Variants in SLX4IP observed in about 807,000 individuals in gnomAD.
SLX4IP encodes SLX4 interacting protein.
Under a neutral mutation model 32.9 loss-of-function variants are expected in SLX4IP, and 34 were observed. The ratio of observed to expected loss-of-function variants is 1.03; its 90% confidence interval spans 0.79 to 1.38. The LOEUF is 1.38. Among genes scored for constraint, SLX4IP ranks in the 40% most tolerant of loss-of-function variants. The probability of loss-of-function intolerance (pLI) is 0.00; values close to 1 mark genes in which losing one functional copy is unlikely to be tolerated. For synonymous variants in SLX4IP, 172 were observed against 171.7 expected (o/e 1.00, Z -0.01); for missense variants, 444 against 479.0 (o/e 0.93, Z 0.68).
At chr20:10,438,180 G>A (rs898344752) in intron 1 of SLX4IP, among the ~76,000 whole-genome samples, 2 of 151,692 alleles carry the variant, frequency 1.3e-5, no homozygotes, top group Non-Finnish European at 2.9e-5. Flanking sequence ...AGAAAAGAGG[G>A]TGATATAAAC....
intron 2 of SLX4IP, among the ~76,000 whole-genome samples, chr20:10,509,762 T>C (rs1459906939): frequency 3.3e-5 from 5 of 151,998 alleles, no homozygotes; most frequent in African/African-American, 1.2e-4. Flanking sequence ...AGTGGTGCGA[T>C]CATAGCTCAC....
intron 4 of SLX4IP, among the ~76,000 whole-genome samples, chr20:10,570,425 G>T (rs747518821): frequency 6.6e-6 from 1 of 152,156 alleles, no homozygotes; most frequent in Non-Finnish European, 1.5e-5. Context: ...GGGATCACCG[G>T]GCACAGGCTG....
At chr20:10,542,736 G>A (rs770798581) in intron 2 of SLX4IP, among the ~76,000 whole-genome samples, 5 of 152,148 alleles carry the variant, frequency 3.3e-5, no homozygotes, top group Non-Finnish European at 4.4e-5. Context: ...GTTTTTTGGA[G>A]CCAAATGTTA....
intron 5 of SLX4IP, among the ~76,000 whole-genome samples, chr20:10,601,009 G>T (rs2066835060): frequency 6.6e-6 from 1 of 152,168 alleles, no homozygotes; most frequent in Non-Finnish European, 1.5e-5. Context: ...GAAAGATCCA[G>T]ATGTCATTAC....
chr20:10,501,790 T>C (rs768185713), intron 2 of SLX4IP, among the ~76,000 whole-genome samples: 2 of 152,266 alleles, frequency 1.3e-5, no homozygotes, highest in East Asian at 3.8e-4. Context: ...CGTGTCAAAA[T>C]GTATTCATTT....
At chr20:10,616,725 C>T (rs969876385) in intron 6 of SLX4IP, among the ~76,000 whole-genome samples, 3 of 152,166 alleles carry the variant, frequency 2.0e-5, no homozygotes, top group African/African-American at 4.8e-5. Flanking sequence ...GTGTAAAGCC[C>T]ACCTTGTTAC....
chr20:10,455,400 A>G (rs2065276433), intron 1 of SLX4IP, among the ~76,000 whole-genome samples: 1 of 152,014 alleles, frequency 6.6e-6, no homozygotes, highest in Admixed American at 6.6e-5. Context: ...CTTTTTGTAT[A>G]TAGTGTGATG....
At chr20:10,569,175 A>ATTTTTTT (rs555310488) in intron 4 of SLX4IP, among the ~76,000 whole-genome samples, 3 of 129,950 alleles carry the variant, frequency 2.3e-5, no homozygotes, top group Admixed American at 7.8e-5. Flanking sequence ...CCAGATCTAG[A>ATTTTTTT]TTTTTTTTTT....
chr20:10,459,165 A>C (rs972329485), intron 2 of SLX4IP, among the ~76,000 whole-genome samples: 1 of 152,170 alleles, frequency 6.6e-6, no homozygotes, highest in Non-Finnish European at 1.5e-5. Flanking sequence ...TCCTTTTTTC[A>C]GAAGAGTCTA....
intron 2 of SLX4IP, among the ~76,000 whole-genome samples, chr20:10,503,712 G>T (rs368895255): frequency 6.6e-6 from 1 of 152,290 alleles, no homozygotes; most frequent in East Asian, 1.9e-4. Context: ...TGATATCAAG[G>T]TGTTGGCAGG....
intron 2 of SLX4IP, among the ~76,000 whole-genome samples, chr20:10,506,086 T>C (rs1292224266): frequency 3.3e-5 from 5 of 152,242 alleles, no homozygotes; most frequent in Non-Finnish European, 7.3e-5. Flanking sequence ...ATCAGCATGT[T>C]GAAACTTGGT....
At chr20:10,620,654 C>T (rs147735866) in intron 6 of SLX4IP, among the ~76,000 whole-genome samples, 3,587 of 152,108 alleles carry the variant, frequency 0.024, 104 homozygotes, top group African/African-American at 0.069. Context: ...CCCGGGTTCA[C>T]GCCATTCTCC....
intron 1 of SLX4IP, among the ~76,000 whole-genome samples, chr20:10,447,852 T>G (rs1489085479): frequency 6.8e-6 from 1 of 147,828 alleles, no homozygotes; most frequent in Admixed American, 6.9e-5. Flanking sequence ...AGGTGGGGGC[T>G]CCACACCTGG....
intron 2 of SLX4IP, among the ~76,000 whole-genome samples, chr20:10,522,130 C>A (rs2065905218): frequency 6.6e-6 from 1 of 152,172 alleles, no homozygotes; most frequent in African/African-American, 2.4e-5. Context: ...TTGTGACATG[C>A]AAGCATTAGA....
At chr20:10,492,912 T>C (rs955240078) in intron 2 of SLX4IP, among the ~76,000 whole-genome samples, 3 of 152,182 alleles carry the variant, frequency 2.0e-5, no homozygotes, top group Non-Finnish European at 4.4e-5. Flanking sequence ...TATGTACACA[T>C]TATCATTTGT....
intron 2 of SLX4IP, among the ~76,000 whole-genome samples, chr20:10,483,063 A>G (rs1358728980): frequency 1.3e-5 from 2 of 152,194 alleles, no homozygotes; most frequent in South Asian, 2.1e-4. Context: ...TACGTTATCT[A>G]TGTATTATCT....
At chr20:10,536,094 G>A (rs936648923) in intron 2 of SLX4IP, among the ~76,000 whole-genome samples, 1 of 152,088 alleles carries the variant, frequency 6.6e-6, no homozygotes, top group South Asian at 2.1e-4. Flanking sequence ...TGGCTCTTAC[G>A]GTATCTATAA....
intron 1 of SLX4IP, among the ~76,000 whole-genome samples, chr20:10,457,573 G>A (rs546997515): frequency 1.3e-5 from 2 of 151,850 alleles, no homozygotes; most frequent in African/African-American, 4.8e-5. Context: ...TGATCGTGGT[G>A]TATAATCTTT....
chr20:10,512,315 A>T (rs2065814025), intron 2 of SLX4IP, among the ~76,000 whole-genome samples: 1 of 152,204 alleles, frequency 6.6e-6, no homozygotes, highest in African/African-American at 2.4e-5. Context: ...GGAGAATCCT[A>T]GATGTTTTGT....
Sources: gnomAD v4.1 joint callset for allele counts (sites outside exome capture counted in the v4.1 genomes callset) on GRCh38, gnomAD v4.1.1 for gene constraint, MANE v1.5 for transcripts, NCBI Gene and HGNC (gene_info 2026-07-23, HGNC 2026-07-21) for gene names.